The following PRKCH variants were observed in gnomAD, a reference collection of about 807,000 sequenced individuals.
PRKCH encodes the protein protein kinase C eta type.
A neutral mutation model predicts 82.5 loss-of-function variants in PRKCH; 28 were observed. The observed-to-expected ratio is 0.34, with a 90% CI of 0.25 to 0.47. The LOEUF (loss-of-function observed/expected upper bound fraction) is 0.47. Ranked by LOEUF, PRKCH falls within the 20% of genes least tolerant of loss-of-function variation. The probability of loss-of-function intolerance (pLI) is 1.00; values close to 1 mark genes in which losing one functional copy is unlikely to be tolerated. For synonymous variants in PRKCH, 322 were observed against 327.4 expected (o/e 0.98, Z 0.18); for missense variants, 705 against 881.8 (o/e 0.80, Z 2.54).
intron 1 of PRKCH, among the ~76,000 whole-genome samples, chr14:61,389,275 A>G (rs61990679): frequency 0.13 from 20,233 of 151,730 alleles, 2,320 homozygotes; most frequent in African/African-American, 0.31. Flanking sequence ...ACTTGAACCC[A>G]GGTGGTCGAG....
At chr14:61,474,979 A>T (rs1428401360) in intron 9 of PRKCH, among the ~76,000 whole-genome samples, 1 of 152,194 alleles carries the variant, frequency 6.6e-6, no homozygotes, top group Non-Finnish European at 1.5e-5. Context: ...CATAGTCTCT[A>T]CTTCTCTAAC....
chr14:61,250,084 A>C (rs1282519584), intron 1 of PRKCH, among the ~76,000 whole-genome samples: 4 of 149,006 alleles, frequency 2.7e-5, no homozygotes, highest in African/African-American at 4.9e-5. Context: ...ACATGGTGAA[A>C]CCCCATCTCT....
chr14:61,383,503 T>A (rs1222680637), intron 1 of PRKCH, among the ~76,000 whole-genome samples: 1 of 152,048 alleles, frequency 6.6e-6, no homozygotes, highest in Non-Finnish European at 1.5e-5. Flanking sequence ...AGATGTGAAT[T>A]TTGAGACCGG....
intron 1 of PRKCH, among the ~76,000 whole-genome samples, chr14:61,330,578 G>C (rs1376939517): frequency 6.6e-6 from 1 of 152,188 alleles, no homozygotes; most frequent in Non-Finnish European, 1.5e-5. Context: ...ATCTAATTCA[G>C]AACAACAACA....
At chr14:61,243,007 G>T (rs1363220198) in intron 1 of PRKCH, among the ~76,000 whole-genome samples, 2 of 152,152 alleles carry the variant, frequency 1.3e-5, no homozygotes, top group Non-Finnish European at 2.9e-5. Flanking sequence ...ATAATTAATT[G>T]CTTTCTCTAC....
intron 1 of PRKCH, among the ~76,000 whole-genome samples, chr14:61,282,445 A>C (rs530499149): frequency 3.3e-5 from 5 of 152,108 alleles, no homozygotes; most frequent in Non-Finnish European, 7.4e-5. Context: ...ACCTAGCATA[A>C]TATATTATAT....
At chr14:61,214,958 C>G (rs552859711) in intron 1 of PRKCH, among the ~76,000 whole-genome samples, 11 of 152,336 alleles carry the variant, frequency 7.2e-5, no homozygotes, top group African/African-American at 2.6e-4. Flanking sequence ...TTTATATCTT[C>G]TCTACATTAC....
At chr14:61,189,146 C>T (rs1012843217) in intron 1 of PRKCH, among the ~76,000 whole-genome samples, 1 of 152,178 alleles carries the variant, frequency 6.6e-6, no homozygotes, top group Non-Finnish European at 1.5e-5. Flanking sequence ...GCTCCCAGCG[C>T]CCCAGCGCCC....
intron 1 of PRKCH, among the ~76,000 whole-genome samples, chr14:61,357,853 A>C (rs767653959): frequency 3.3e-5 from 5 of 151,804 alleles, no homozygotes; most frequent in Non-Finnish European, 7.4e-5. Flanking sequence ...TTCTCTCCTC[A>C]TATATACTCT....
intron 1 of PRKCH, among the ~76,000 whole-genome samples, chr14:61,384,054 G>A (rs1403894125): frequency 6.6e-6 from 1 of 152,036 alleles, no homozygotes; most frequent in Non-Finnish European, 1.5e-5. Context: ...TTTTTGGTGG[G>A]GTGTTCCATG....
At chr14:61,541,862 C>T (rs1168318701) in intron 12 of PRKCH, among the ~76,000 whole-genome samples, 5 of 152,234 alleles carry the variant, frequency 3.3e-5, no homozygotes, top group African/African-American at 1.2e-4. Flanking sequence ...GAAGCTGCCT[C>T]CTGTGTGCCC....
rs1237992433 is a variant in PRKCH, at chr14:61,210,093, AAAAC to A, written c.-19+22441_-19+22444del. On this transcript the variant is annotated intron_variant, in intron 1 of 3. Coordinates refer to the PRKCH transcript ENST00000555185. ...CTCTACTAAAACAAAAACAAAAAAC[AAAAC>A]AAACAAACAAACAAATATATATATA... 1.3e-3 allele frequency among the ~76,000 whole-genome samples: 178 copies of A among 132,412 alleles called. 2 individuals carry two copies. Among genetic ancestry groups the A allele is most frequent in the South Asian group, 2.0e-3 (8 of 3,918 alleles). 86.9% of individuals were successfully genotyped at this position (132,412 alleles called of 152,430 possible).
At chr14:61,320,299 T>G (rs542060249), upstream of PRKCH, among the ~76,000 whole-genome samples, 16 of 152,306 alleles carry the variant, frequency 1.1e-4, no homozygotes, top group East Asian at 3.1e-3. Context: ...ATCAAGTATC[T>G]TAAGAGTGGC....
chr14:61,333,772 C>T (rs182526168), intron 1 of PRKCH, among the ~76,000 whole-genome samples: 11 of 152,220 alleles, frequency 7.2e-5, no homozygotes, highest in African/African-American at 2.6e-4. Context: ...TAAACTTTTC[C>T]CTTGTAAAAA....
rs148490627 is a variant in PRKCH at position 61,300,658 on chromosome 14, T to A, written c.-19+112990T>A. Among the ~76,000 whole-genome samples, 256 of 152,318 alleles carry A rather than the reference T, an allele frequency of 1.7e-3. 1 individual carries two copies. Among genetic ancestry groups the A allele is most frequent in the African/African-American group, 5.9e-3 (246 of 41,560 alleles). ...GAAGTCCTTGGTAAGGTTTTCCTTT[T>A]AATGAAAAGTAGCCCCCAAATCCTT... On this transcript the variant is annotated intron_variant, in intron 1 of 3. Transcript: ENST00000555185.
chr14:61,450,902 G>A lies in PRKCH; in HGVS notation c.763G>A (p.Val255Met). The A allele has an allele frequency of 1.2e-6, 2 of 1,614,016 alleles. No individual in the cohort carries two copies. The highest frequency in any genetic ancestry group is 1.7e-6 in the Non-Finnish European group (2 of 1,179,968). The change falls in exon 6 of 14, where the codon GTG becomes ATG. Residue 255 changes from valine to methionine, a missense_variant. Coordinates refer to ENST00000332981, the MANE Select transcript of PRKCH (RefSeq NM_006255.5). Reference protein sequence around the residue: ...PHKFSIHNYKVPTFCDHCGSL... With the variant: ...PHKFSIHNYKMPTFCDHCGSL... ...CAAGTTCAGCATCCACAACTACAAA[G>A]TGCCAACATTCTGCGATCACTGTGG...
rs146902786 is a variant in PRKCH, at chr14:61,261,987, C to T, written c.-19+74319C>T. Among the ~76,000 whole-genome samples, 368 of 151,950 alleles carry T rather than the reference C, an allele frequency of 2.4e-3. 3 individuals carry two copies. The highest frequency in any genetic ancestry group is 8.5e-3 in the African/African-American group (352 of 41,416). ...TTGTAATCCTAGCACTTTGGGAGGC[C>T]GAGGCGGGCAAATCACGAGGTCAGG... On this transcript the variant is annotated intron_variant, in intron 1 of 3. Transcript: ENST00000555185.
chr14:61,539,673 G>A (rs1283813254), intron 12 of PRKCH, among the ~76,000 whole-genome samples: 1 of 151,870 alleles, frequency 6.6e-6, no homozygotes, highest in Non-Finnish European at 1.5e-5. Context: ...ATCTGTAGCT[G>A]AGGGAAGGAC....
chr14:61,248,446 C>T (rs372976524), intron 1 of PRKCH, among the ~76,000 whole-genome samples: 5 of 152,280 alleles, frequency 3.3e-5, no homozygotes, highest in African/African-American at 1.2e-4. Flanking sequence ...TGGCTGCCAA[C>T]CACTCAACCT....
Sources: allele counts gnomAD v4.1 joint callset (sites outside exome capture counted in the v4.1 genomes callset), GRCh38; gene constraint gnomAD v4.1.1; transcripts MANE v1.5; gene names NCBI Gene and HGNC (gene_info 2026-07-23, HGNC 2026-07-21).